The following CADM1 variants were observed in gnomAD, a reference collection of about 807,000 sequenced individuals.
CADM1 encodes TSLC-1.
Under a neutral mutation model 53.1 loss-of-function variants are expected in CADM1, and 15 were observed. The observed-to-expected ratio is 0.28, with a 90% CI of 0.19 to 0.44. The LOEUF is 0.44. Ranked by LOEUF, CADM1 falls within the 20% of genes least tolerant of loss-of-function variation. The pLI, the probability that CADM1 is intolerant of heterozygous loss-of-function variation, is 1.00. For missense variants in CADM1, 434 were observed against 611.3 expected (o/e 0.71, Z 3.06); for synonymous variants, 281 against 243.0 (o/e 1.16, Z -1.45).
At chr11:115,386,407 C>T (rs1946699514) in intron 1 of CADM1, among the ~76,000 whole-genome samples, 1 of 152,244 alleles carries the variant, frequency 6.6e-6, no homozygotes. Flanking sequence ...TTTTCTGTTG[C>T]TTATAACAGA....
chr11:115,370,383 C>A (rs1166800360), intron 1 of CADM1, among the ~76,000 whole-genome samples: 1 of 152,112 alleles, frequency 6.6e-6, no homozygotes, highest in Non-Finnish European at 1.5e-5. Flanking sequence ...GTCCTAAGCC[C>A]TGACGAGGGG....
At chr11:115,441,542 C>A (rs1325128881) in intron 1 of CADM1, among the ~76,000 whole-genome samples, 1 of 152,146 alleles carries the variant, frequency 6.6e-6, no homozygotes, top group Admixed American at 6.5e-5. Context: ...AATAAAGATA[C>A]ATTGAGGAAT....
At chr11:115,217,855 G>A (rs754810428) in intron 6 of CADM1, 37 bp downstream of exon 6, 30 of 1,285,836 alleles carry the variant, frequency 2.3e-5, no homozygotes, top group African/African-American at 7.3e-5. Context: ...CATTTACTGC[G>A]CATGACCCTC....
At chr11:115,232,120 T>C (rs1340780757) in intron 3 of CADM1, among the ~76,000 whole-genome samples, 2 of 152,104 alleles carry the variant, frequency 1.3e-5, no homozygotes, top group African/African-American at 4.8e-5. Context: ...AAAGTAGATA[T>C]AAAAGGGGAG....
chr11:115,402,786 T>C (rs1947195974), intron 1 of CADM1, among the ~76,000 whole-genome samples: 1 of 152,138 alleles, frequency 6.6e-6, no homozygotes, highest in Admixed American at 6.5e-5. Context: ...ATAGCACCTT[T>C]GTATGTTACT....
intron 1 of CADM1, among the ~76,000 whole-genome samples, chr11:115,382,081 G>C (rs1489723427): frequency 2.0e-5 from 3 of 152,108 alleles, no homozygotes; most frequent in African/African-American, 7.2e-5. Flanking sequence ...CTGACCTCAA[G>C]TGATCCACCC....
intron 1 of CADM1, among the ~76,000 whole-genome samples, chr11:115,268,031 C>T (rs1308451465): frequency 3.3e-5 from 5 of 152,196 alleles, no homozygotes; most frequent in Non-Finnish European, 7.3e-5. Flanking sequence ...CACAGCTGCT[C>T]GCTTCTGCTG....
intron 1 of CADM1, among the ~76,000 whole-genome samples, chr11:115,386,888 G>A (rs1271925249): frequency 6.6e-6 from 1 of 152,160 alleles, no homozygotes; most frequent in Non-Finnish European, 1.5e-5. Flanking sequence ...ATTCAAAGAT[G>A]TTTTCAAAGT....
At chr11:115,268,044 G>A (rs572754169) in intron 1 of CADM1, among the ~76,000 whole-genome samples, 2 of 152,332 alleles carry the variant, frequency 1.3e-5, no homozygotes, top group Non-Finnish European at 1.5e-5. Flanking sequence ...TTCTGCTGAT[G>A]ATGGCACTGA....
chr11:115,327,514 A>G (rs573276869), intron 1 of CADM1, among the ~76,000 whole-genome samples: 238 of 129,070 alleles, frequency 1.8e-3, no homozygotes, highest in African/African-American at 6.5e-3. Flanking sequence ...ATTGGAATAC[A>G]TAAGAGTTTT....
At chr11:115,215,264 T>C (rs900406890) in intron 6 of CADM1, among the ~76,000 whole-genome samples, 25 of 152,256 alleles carry the variant, frequency 1.6e-4, no homozygotes, top group African/African-American at 5.3e-4. Context: ...TGGACTTTTA[T>C]ATCTGAATAG....
intron 1 of CADM1, among the ~76,000 whole-genome samples, chr11:115,392,685 C>T (rs1946866838): frequency 6.6e-6 from 1 of 152,138 alleles, no homozygotes; most frequent in Admixed American, 6.6e-5. Context: ...CATTCCCAAA[C>T]ACAAATGACC....
At chr11:115,495,297 A>G (rs1270422543) in intron 1 of CADM1, among the ~76,000 whole-genome samples, 1 of 152,214 alleles carries the variant, frequency 6.6e-6, no homozygotes, top group African/African-American at 2.4e-5. Context: ...CATATTCAGC[A>G]AAGAGCCAAA....
chr11:115,377,768 A>G (rs1252819723), intron 1 of CADM1: 1 of 152,232 alleles, frequency 6.6e-6, no homozygotes, highest in Non-Finnish European at 1.5e-5. Flanking sequence ...AAAAGATACC[A>G]GTGGCAAGCT....
intron 1 of CADM1, among the ~76,000 whole-genome samples, chr11:115,296,849 T>C (rs1219698000): frequency 6.6e-6 from 1 of 152,196 alleles, no homozygotes; most frequent in East Asian, 1.9e-4. Flanking sequence ...ATCTTTAGAG[T>C]GTGGACAGTA....
rs780796842 is a variant in CADM1, at chr11:115,176,588, T to C, written c.1302A>G (p.Thr434=). The change falls in exon 12 of 12, where the codon ACA becomes ACG. Residue 434 remains threonine, a synonymous_variant. Transcript: ENST00000331581. ...CTCCTTTGGCTTCATGAGTGAAGTA[T>C]GTACCTGAAAGATGAAGGGGTAAAG... ...LGRYFARHKG[T]YFTHEAKGAD... 1 of 1,613,680 alleles carries C rather than the reference T, an allele frequency of 6.2e-7. No homozygotes were observed. The highest frequency in any genetic ancestry group is 1.1e-5 in the South Asian group (1 of 91,080).
chr11:115,271,280 G>T (rs1031035936), intron 1 of CADM1, among the ~76,000 whole-genome samples: 5 of 151,608 alleles, frequency 3.3e-5, no homozygotes, highest in South Asian at 2.1e-4. Flanking sequence ...TTGTTGTTTT[G>T]TTGTTGTTGT....
At chr11:115,351,781 C>T (rs1004114342) in intron 1 of CADM1, among the ~76,000 whole-genome samples, 2 of 152,170 alleles carry the variant, frequency 1.3e-5, no homozygotes, top group Admixed American at 1.3e-4. Context: ...TTCTCTAGGG[C>T]ATAGGAGCCC....
At chr11:115,425,245 C>T (rs959327158) in intron 1 of CADM1, among the ~76,000 whole-genome samples, 4 of 152,212 alleles carry the variant, frequency 2.6e-5, no homozygotes, top group Non-Finnish European at 1.5e-5. Flanking sequence ...CAAACTCTAA[C>T]ATCTCAATGT....
Sources: gnomAD v4.1 joint callset for allele counts (sites outside exome capture counted in the v4.1 genomes callset) on GRCh38, gnomAD v4.1.1 for gene constraint, MANE v1.5 for transcripts, NCBI Gene and HGNC (gene_info 2026-07-23, HGNC 2026-07-21) for gene names.